The following B4GALT5 variants were observed in gnomAD, a reference collection of about 807,000 sequenced individuals.
The protein encoded by B4GALT5 is beta-1,4-galactosyltransferase 5, also known as UDP-Gal:beta-GlcNAc beta-1,4-galactosyltransferase 5.
B4GALT5 carries 11 observed loss-of-function variants against 45.0 expected under a neutral mutation model. The observed-to-expected ratio is 0.24, with a 90% CI of 0.15 to 0.40. The LOEUF (loss-of-function observed/expected upper bound fraction) is 0.40. B4GALT5 is among the 10% of genes least tolerant of loss of function. The probability of loss-of-function intolerance (pLI) is 1.00; values close to 1 mark genes in which losing one functional copy is unlikely to be tolerated. For missense variants in B4GALT5, 337 were observed against 500.2 expected, an observed-to-expected ratio of 0.67 and a Z score of 3.11; for synonymous variants, 185 against 182.9, an observed-to-expected ratio of 1.01 and a Z score of -0.09.
At chr20:49,662,002 T>C (rs1482603394) in intron 1 of B4GALT5, among the ~76,000 whole-genome samples, 6 of 152,182 alleles carry the variant, frequency 3.9e-5, no homozygotes, top group East Asian at 1.9e-4. Flanking sequence ...CCTTGGGCCA[T>C]GGCTTAACTG....
At chr20:49,711,645 G>C (rs1473212080) in intron 1 of B4GALT5, among the ~76,000 whole-genome samples, 2 of 152,108 alleles carry the variant, frequency 1.3e-5, no homozygotes, top group Non-Finnish European at 2.9e-5. Context: ...ATCTCTTCTT[G>C]TTCTGCCAGA....
chr20:49,656,524 G>A (rs1366459211), intron 2 of B4GALT5, 44 bp downstream of exon 2: 1 of 1,607,060 alleles, frequency 6.2e-7, no homozygotes, highest in South Asian at 1.1e-5. Flanking sequence ...ACCTCTCTTG[G>A]GAGGAGACAT....
intron 1 of B4GALT5, among the ~76,000 whole-genome samples, chr20:49,699,926 C>T (rs1180978649): frequency 2.0e-5 from 3 of 152,172 alleles, no homozygotes; most frequent in Admixed American, 6.5e-5. Context: ...TTCCTCTGCC[C>T]GGTAAGTATA....
intron 1 of B4GALT5, among the ~76,000 whole-genome samples, chr20:49,686,000 C>T (rs1216100767): frequency 1.3e-5 from 2 of 151,774 alleles, no homozygotes; most frequent in African/African-American, 4.8e-5. Context: ...TGTAACATCT[C>T]CTCTGACTCA....
chr20:49,692,823 A>G (rs1347735288), intron 1 of B4GALT5, among the ~76,000 whole-genome samples: 1 of 152,032 alleles, frequency 6.6e-6, no homozygotes, highest in Non-Finnish European at 1.5e-5. Flanking sequence ...TACACACACC[A>G]AAAAAAATTA....
At chr20:49,655,591 T>C (rs1055107585) in intron 2 of B4GALT5, among the ~76,000 whole-genome samples, 1 of 152,142 alleles carries the variant, frequency 6.6e-6, no homozygotes, top group African/African-American at 2.4e-5. Context: ...CACTTAATCA[T>C]GTGGAAGTAT....
intron 7 of B4GALT5, 114 bp from the exon 8 acceptor site, chr20:49,637,556 C>T (rs2085559332): frequency 2.0e-5 from 15 of 736,722 alleles, no homozygotes; most frequent in Non-Finnish European, 3.6e-5. Flanking sequence ...AGCAAAAGCT[C>T]TCACCCGCTT....
chr20:49,684,775 T>G (rs1031301156), intron 1 of B4GALT5, among the ~76,000 whole-genome samples: 2 of 152,226 alleles, frequency 1.3e-5, no homozygotes, highest in African/African-American at 2.4e-5. Flanking sequence ...GCGGTAGGAT[T>G]AGAGTTTCAC....
intron 1 of B4GALT5, among the ~76,000 whole-genome samples, chr20:49,677,291 C>T (rs1461462930): frequency 1.3e-5 from 2 of 152,066 alleles, no homozygotes; most frequent in African/African-American, 4.8e-5. Context: ...AGAAACTAAG[C>T]CTAACAAGGT....
chr20:49,666,072 T>G (rs1248676691), intron 1 of B4GALT5, among the ~76,000 whole-genome samples: 1 of 152,166 alleles, frequency 6.6e-6, no homozygotes, highest in Non-Finnish European at 1.5e-5. Flanking sequence ...AATGAGTAGG[T>G]ATCAATCGGA....
intron 1 of B4GALT5, among the ~76,000 whole-genome samples, chr20:49,704,588 G>A (rs374398333): frequency 8.6e-5 from 13 of 150,822 alleles, no homozygotes; most frequent in Admixed American, 5.3e-4. Flanking sequence ...GCGTAGTGGC[G>A]GGCGCCTGTA....
intron 1 of B4GALT5, among the ~76,000 whole-genome samples, chr20:49,680,043 A>T (rs556301033): frequency 1.0e-3 from 156 of 152,304 alleles, no homozygotes; most frequent in South Asian, 8.1e-3. Context: ...CTACCTTTAA[A>T]CTGTCCCTTT....
At chr20:49,660,859 T>A (rs915656632) in intron 1 of B4GALT5, among the ~76,000 whole-genome samples, 2 of 152,198 alleles carry the variant, frequency 1.3e-5, no homozygotes, top group African/African-American at 4.8e-5. Context: ...AGTGTGGTAG[T>A]GTGCGCCTGT....
At chr20:49,661,427 G>T (rs898309031) in intron 1 of B4GALT5, among the ~76,000 whole-genome samples, 1 of 152,088 alleles carries the variant, frequency 6.6e-6, no homozygotes, top group Non-Finnish European at 1.5e-5. Flanking sequence ...TAGAGATGGG[G>T]TTTCACCATG....
chr20:49,670,866 G>A (rs542226633), intron 1 of B4GALT5, among the ~76,000 whole-genome samples: 8 of 152,226 alleles, frequency 5.3e-5, no homozygotes, highest in Admixed American at 5.2e-4. Flanking sequence ...CTCTAACCCA[G>A]TAGTTCCTAC....
rs6125710 is a variant in B4GALT5 at position 49,671,870 on chromosome 20, T to C, written c.116-15168A>G. 5.8e-4 allele frequency among the ~76,000 whole-genome samples: 88 copies of C among 152,160 alleles called. No homozygotes were observed. In the East Asian group the frequency reaches 0.017, roughly 29 times the overall value. ...TTTTCATTTTTTTTTAAAACAATAA[T>C]CAATAAATTTTTGTATGGGGTCGGG... On this transcript the variant is annotated intron_variant, in intron 1 of 8. Coordinates refer to ENST00000371711, the MANE Select transcript of B4GALT5 (RefSeq NM_004776.4).
At position 49,712,566 on chromosome 20, in the gene B4GALT5, C is replaced by T. The variant is rs79505522; in HGVS notation, c.115+1010G>A. ...CCCATTACATCTTTCCTCCATGCTC[C>T]CCCTTCTCACCTGGTACCATTTCCC... On this transcript the variant is annotated intron_variant, in intron 1 of 8. Transcript: ENST00000371711. Among the ~76,000 whole-genome samples the T allele has an allele frequency of 9.2e-3, 1,403 of 152,210 alleles. 8 individuals carry two copies. The highest frequency in any genetic ancestry group is 0.014 in the Non-Finnish European group (980 of 67,998).
chr20:49,647,195 G>A, intron 2 of B4GALT5, 117 bp from the exon 3 acceptor site: 1 of 625,422 alleles, frequency 1.6e-6, no homozygotes, highest in Non-Finnish European at 2.8e-6. Context: ...AAGGAGACAG[G>A]ACTCTGGACT....
chr20:49,646,149 T>A (rs570910428), intron 3 of B4GALT5, among the ~76,000 whole-genome samples: 40 of 152,346 alleles, frequency 2.6e-4, no homozygotes, highest in Non-Finnish European at 4.7e-4. Context: ...CAGTTTTTTT[T>A]AAAACTTTTT....
Sources: allele counts gnomAD v4.1 joint callset (sites outside exome capture counted in the v4.1 genomes callset), GRCh38; gene constraint gnomAD v4.1.1; transcripts MANE v1.5; gene names NCBI Gene and HGNC (gene_info 2026-07-23, HGNC 2026-07-21).